The following SYN3 variants were observed in gnomAD, a reference collection of about 807,000 sequenced individuals.
The protein encoded by SYN3 is synapsin III.
SYN3 carries 35 observed loss-of-function variants against 65.8 expected under a neutral mutation model. The ratio of observed to expected loss-of-function variants is 0.53; its 90% CI spans 0.41 to 0.70. SYN3 has a LOEUF of 0.70. Among genes scored for constraint, SYN3 ranks in the 30% least tolerant of loss-of-function variants. The probability of loss-of-function intolerance (pLI) is 0.00; values close to 1 mark genes in which losing one functional copy is unlikely to be tolerated. For missense variants in SYN3, 680 were observed against 749.0 expected (o/e 0.91, Z 1.08); for synonymous variants, 270 against 292.9 (o/e 0.92, Z 0.80).
chr22:32,537,121 G>A (rs1352563605), intron 9 of SYN3, among the ~76,000 whole-genome samples: 2 of 152,068 alleles, frequency 1.3e-5, no homozygotes, highest in African/African-American at 4.8e-5. Flanking sequence ...GTATGTATGT[G>A]GCAGGCCCTG....
At chr22:32,885,424 T>A (rs568478500) in intron 4 of SYN3, among the ~76,000 whole-genome samples, 30 of 152,334 alleles carry the variant, frequency 2.0e-4, no homozygotes, top group African/African-American at 7.2e-4. Flanking sequence ...TGAGCCACCC[T>A]GGTGCCCCGG....
intron 2 of SYN3, among the ~76,000 whole-genome samples, chr22:32,982,492 C>A (rs1430575269): frequency 6.6e-6 from 1 of 152,122 alleles, no homozygotes; most frequent in Non-Finnish European, 1.5e-5. Context: ...AATTCATTTA[C>A]CTGGTGATTT....
At chr22:32,596,129 C>T (rs1328316248) in intron 7 of SYN3, among the ~76,000 whole-genome samples, 1 of 152,116 alleles carries the variant, frequency 6.6e-6, no homozygotes, top group African/African-American at 2.4e-5. Flanking sequence ...TCCTCCTGCT[C>T]CAGGCATGTA....
At chr22:32,829,658 C>T (rs1452296053) in intron 6 of SYN3, among the ~76,000 whole-genome samples, 1 of 152,200 alleles carries the variant, frequency 6.6e-6, no homozygotes, top group Non-Finnish European at 1.5e-5. Context: ...TGGCTGTTCC[C>T]TCCTCCAGCC....
intron 10 of SYN3, among the ~76,000 whole-genome samples, chr22:32,531,056 G>T (rs1256111093): frequency 6.9e-6 from 1 of 145,790 alleles, no homozygotes; most frequent in South Asian, 2.1e-4. Context: ...CCTGTGGAAC[G>T]CGTTTCCCTC....
chr22:32,840,758 C>T (rs987735378), intron 6 of SYN3, among the ~76,000 whole-genome samples: 4 of 152,168 alleles, frequency 2.6e-5, no homozygotes, highest in Admixed American at 2.0e-4. Flanking sequence ...ATCTCCAGGG[C>T]GATTCCCTGA....
At chr22:32,713,111 T>C (rs1191313303) in intron 6 of SYN3, among the ~76,000 whole-genome samples, 1 of 152,198 alleles carries the variant, frequency 6.6e-6, no homozygotes, top group Non-Finnish European at 1.5e-5. Context: ...TCATTATTTA[T>C]TGAATGGATG....
intron 6 of SYN3, among the ~76,000 whole-genome samples, chr22:32,825,960 C>G (rs2047398688): frequency 6.6e-6 from 1 of 152,096 alleles, no homozygotes; most frequent in South Asian, 2.1e-4. Flanking sequence ...GACGTATCCA[C>G]AAGTTTATAG....
rs1255887849 is a variant in SYN3 at position 32,899,947 on chromosome 22, A to G, written c.462-30822T>C. Among the ~76,000 whole-genome samples, 10 of 21,314 alleles carry G rather than the reference A, an allele frequency of 4.7e-4. 5 individuals are homozygous for G. The highest frequency in any genetic ancestry group is 1.9e-3 in the African/African-American group (6 of 3,228). The allele number at this position is 21,314 out of a possible 152,430, so 14.0% of individuals were successfully genotyped here. ...GCCGGGCGCGGTGGCGGGCGCCTGT[A>G]GTCCCAGCTACTCGGGAGGCTGAGG... On this transcript the variant is annotated intron_variant, in intron 4 of 13. Coordinates refer to ENST00000358763, the MANE Select transcript of SYN3 (RefSeq NM_003490.4).
At chr22:32,580,731 C>T (rs1294499653) in intron 7 of SYN3, among the ~76,000 whole-genome samples, 2 of 152,206 alleles carry the variant, frequency 1.3e-5, no homozygotes, top group African/African-American at 2.4e-5. Context: ...CATTCATTTA[C>T]GTATTGTCTG....
At chr22:32,790,508 C>T (rs2046302353) in intron 6 of SYN3, among the ~76,000 whole-genome samples, 1 of 151,934 alleles carries the variant, frequency 6.6e-6, no homozygotes, top group South Asian at 2.1e-4. Context: ...TCACTGCAAC[C>T]TCCACCTCCT....
At chr22:32,821,614 G>T (rs1601449281) in intron 6 of SYN3, among the ~76,000 whole-genome samples, 1 of 152,212 alleles carries the variant, frequency 6.6e-6, no homozygotes, top group Non-Finnish European at 1.5e-5. Flanking sequence ...GAGGGGCAAG[G>T]CAAATCGGAT....
Position 32,739,174 on chromosome 22 carries a change from AGGGGG to A in SYN3, c.711+125736_711+125740del, listed in dbSNP as rs201178182. Among the ~76,000 whole-genome samples the A allele has an allele frequency of 3.8e-3, 554 of 146,228 alleles. 2 individuals are homozygous for A. The highest frequency in any genetic ancestry group is 0.015 in the East Asian group (75 of 5,000). On this transcript the variant is annotated intron_variant, in intron 6 of 13. Transcript: ENST00000358763. ...ACCTGGTGGGAGATAATTGAATCAC[AGGGGG>A]GGGGCGGTTTCCCCCATACTGTTCT...
At chr22:32,517,458 G>A (rs780745652) in intron 13 of SYN3, among the ~76,000 whole-genome samples, 11 of 152,294 alleles carry the variant, frequency 7.2e-5, no homozygotes, top group South Asian at 4.1e-4. Flanking sequence ...GACTGCAGTC[G>A]TATGAGTGAT....
rs1038278331 is a variant in SYN3, at chr22:32,522,830, C to T, written c.1319-4496G>A. On this transcript the variant is annotated intron_variant, in intron 12 of 13. Transcript: ENST00000358763. ...CTTTACACTGAGGAAACTGAGGCCCCGAGAAGTAATATGACTTGCCTAACA... is the reference window on the plus strand; with the variant it reads ...CTTTACACTGAGGAAACTGAGGCCCTGAGAAGTAATATGACTTGCCTAACA... 7.2e-5 allele frequency among the ~76,000 whole-genome samples: 11 copies of T among 152,080 alleles called. No homozygotes were observed. The East Asian group carries it at 9.7e-4, about 13-fold the overall frequency.
At chr22:32,949,512 G>A (rs1569350240) in intron 3 of SYN3, among the ~76,000 whole-genome samples, 2 of 151,916 alleles carry the variant, frequency 1.3e-5, no homozygotes, top group African/African-American at 2.4e-5. Flanking sequence ...AATTAAACTC[G>A]TGTCCAGTTT....
intron 7 of SYN3, among the ~76,000 whole-genome samples, chr22:32,567,124 T>C (rs1442292959): frequency 6.6e-6 from 1 of 151,930 alleles, no homozygotes; most frequent in Non-Finnish European, 1.5e-5. Flanking sequence ...ACTAGGGAGA[T>C]GTAAAAGCTT....
intron 6 of SYN3, among the ~76,000 whole-genome samples, chr22:32,802,984 C>T (rs2046630220): frequency 6.6e-6 from 1 of 152,114 alleles, no homozygotes; most frequent in South Asian, 2.1e-4. Context: ...AAGAGACCTC[C>T]TACTCCTTAG....
chr22:33,006,794 G>A lies in SYN3; in HGVS notation c.-132C>T, dbSNP rs2053211408. ...GAGCCAGGGGGATTTTGCGCAACCA[G>A]CAGTCAGCTTTAGCTGCCTTTATTT... On this transcript the variant is annotated 5_prime_UTR_variant, in exon 2 of 14. Coordinates refer to ENST00000358763, the MANE Select transcript of SYN3 (RefSeq NM_003490.4). 4.3e-5 allele frequency: 37 copies of A among 858,988 alleles called. No homozygotes were observed. The East Asian group carries it at 9.3e-4, about 22-fold the overall frequency. The allele number at this position is 858,988 out of a possible 1,614,324, so 53.2% of individuals were successfully genotyped here. A position where few individuals can be genotyped will look rare whatever the true frequency, so the allele number is the denominator to read the frequency against.
Sources: gnomAD v4.1 joint callset for allele counts (sites outside exome capture counted in the v4.1 genomes callset) on GRCh38, gnomAD v4.1.1 for gene constraint, MANE v1.5 for transcripts, NCBI Gene and HGNC (gene_info 2026-07-23, HGNC 2026-07-21) for gene names.